GRM4: variants seen among roughly 807,000 people sequenced by gnomAD.
GRM4 encodes glutamate metabotropic receptor 4, also known as metabotropic glutamate receptor 4.
In GRM4, 28 loss-of-function variants were observed where a neutral mutation model predicts 81.7. The ratio of observed to expected loss-of-function variants is 0.34; its 90% CI spans 0.25 to 0.47. The LOEUF (loss-of-function observed/expected upper bound fraction) is 0.47. Ranked by LOEUF, GRM4 falls within the 20% of genes least tolerant of loss-of-function variation. The pLI is 1.00. For missense variants in GRM4, 948 were observed against 1,290.0 expected (o/e 0.73, Z 4.06); for synonymous variants, 488 against 528.8 (o/e 0.92, Z 1.06).
intron 2 of GRM4, chr6:34,099,961 C>T (rs941347287): frequency 7.1e-6 from 5 of 707,452 alleles, no homozygotes; most frequent in Non-Finnish European, 8.7e-6. Context: ...ACAGACCCTC[C>T]GGGAATTCGA....
chr6:34,052,155 G>A lies in GRM4; in HGVS notation c.1168+4389C>T, dbSNP rs75902110. ...GGTGCCAAGGAATTAATGGCCTCTC[G>A]GAGCATCCCTCCACCAATGCCTGAT... On this transcript the variant is annotated intron_variant, in intron 6 of 10. Transcript: ENST00000538487. Among the ~76,000 whole-genome samples the A allele has an allele frequency of 5.0e-4, 76 of 152,252 alleles. 1 individual carries two copies. The East Asian group carries it at 0.014, about 28-fold the overall frequency.
chr6:34,115,148 C>T lies in GRM4; in HGVS notation c.519+17830G>A, dbSNP rs1405012501. On this transcript the variant is annotated intron_variant, in intron 2 of 10. Coordinates refer to ENST00000538487, the MANE Select transcript of GRM4 (RefSeq NM_000841.4). This position sits in a 1 kb window ranked among gnomAD's most constrained non-coding sequence, Gnocchi z 4.1. Reference sequence around the variant, plus strand: ...ACCAGGGTTGAGAGGTGGTCAGGGCCCTGCCTAAACGCCAACACGCTGCCT... The same window carrying T: ...ACCAGGGTTGAGAGGTGGTCAGGGCTCTGCCTAAACGCCAACACGCTGCCT... Among the ~76,000 whole-genome samples, 1 of 152,168 alleles carries T rather than the reference C, an allele frequency of 6.6e-6. No individual in the cohort carries two copies. Among genetic ancestry groups the T allele is most frequent in the African/African-American group, 2.4e-5 (1 of 41,432 alleles).
rs1191265771 is a variant in GRM4, at chr6:34,069,541, A to T, written c.737-7513T>A. ...CAGAGGGCCAGGCCTAGTTCCCGTC[A>T]CCTGTCACCCCTGCCCCATCTGCTC... On this transcript the variant is annotated intron_variant, in intron 3 of 10. Transcript: ENST00000538487. This position sits in a 1 kb window ranked among gnomAD's most constrained non-coding sequence, Gnocchi z 6.4. Among the ~76,000 whole-genome samples, 1 of 151,844 alleles carries T rather than the reference A, an allele frequency of 6.6e-6. No homozygotes were observed. Among genetic ancestry groups the T allele is most frequent in the Non-Finnish European group, 1.5e-5 (1 of 67,916 alleles).
intron 6 of GRM4, among the ~76,000 whole-genome samples, chr6:34,051,986 A>G (rs1284809037): frequency 6.6e-6 from 1 of 152,188 alleles, no homozygotes; most frequent in Non-Finnish European, 1.5e-5. Context: ...CGTATGCTTG[A>G]GAAAGAATGA....
rs189267334 is a variant in GRM4, at chr6:34,143,142, T to A, written c.-364+2858A>T. On this transcript the variant is annotated intron_variant, in intron 1 of 10. Transcript: ENST00000538487. ...ATAACTTTTGAGGTATTTTTGTCCC[T>A]GACAGGTGTGAAGGTATTGGCAGGT... Among the ~76,000 whole-genome samples, 6 of 152,274 alleles carry A rather than the reference T, an allele frequency of 3.9e-5. No individual in the cohort carries two copies. The South Asian group carries it at 1.0e-3, about 26-fold the overall frequency.
chr6:34,144,710 T>C (rs1224867488), intron 1 of GRM4, among the ~76,000 whole-genome samples: 15 of 152,052 alleles, frequency 9.9e-5, no homozygotes, highest in Non-Finnish European at 1.0e-4. Context: ...CGCCCCCGCC[T>C]GTCCCGCCTC....
rs115763571 is a variant in GRM4, at chr6:34,117,821, C to T, written c.519+15157G>A. ...CACCCAGCACCCAAGGCTGCACTGT[C>T]GCATCTCCTCATGGAGAGAGGCCAC... is the stretch of plus-strand genomic sequence containing the variant. On this transcript the variant is annotated intron_variant, in intron 2 of 10. Coordinates refer to ENST00000538487, the MANE Select transcript of GRM4 (RefSeq NM_000841.4). Among the ~76,000 whole-genome samples, 987 of 152,326 alleles carry T rather than the reference C, an allele frequency of 6.5e-3. 6 individuals carry two copies. The highest frequency in any genetic ancestry group is 0.022 in the African/African-American group (926 of 41,556).
chr6:34,023,341 A>G (rs180986555), intron 10 of GRM4, among the ~76,000 whole-genome samples: 1 of 152,370 alleles, frequency 6.6e-6, no homozygotes, highest in East Asian at 1.9e-4. Context: ...TCAGAAGTTC[A>G]ACCACACGCA....
At position 34,068,312 on chromosome 6, in the gene GRM4, G is replaced by C. The variant is rs1232182019; in HGVS notation, c.737-6284C>G. ...CCTTGCCCGAGACCCCAGGAATTGAGAACACTCTGGACTTGTAAATCCCAC... is the reference window on the plus strand; with the variant it reads ...CCTTGCCCGAGACCCCAGGAATTGACAACACTCTGGACTTGTAAATCCCAC... On this transcript the variant is annotated intron_variant, in intron 3 of 10. Coordinates refer to ENST00000538487, the MANE Select transcript of GRM4 (RefSeq NM_000841.4). The surrounding 1 kb of genome is among the most constrained non-coding windows in gnomAD (Gnocchi z 4.2). Among the ~76,000 whole-genome samples, 1 of 152,162 alleles carries C rather than the reference G, an allele frequency of 6.6e-6. No individual in the cohort carries two copies. The highest frequency in any genetic ancestry group is 2.4e-5 in the African/African-American group (1 of 41,428).
rs141880405 is a variant in GRM4 at position 34,138,785 on chromosome 6, C to T, written c.-363-4926G>A. Among the ~76,000 whole-genome samples the T allele has an allele frequency of 3.7e-3, 567 of 152,340 alleles. 6 individuals are homozygous for T. Among genetic ancestry groups the T allele is most frequent in the African/African-American group, 0.011 (452 of 41,578 alleles). ...CAGCCCAGTCCTGCACAGAGCCTGGCATCCCCAGCAGGCTTTGTGGAGGTG... is the reference window on the plus strand; with the variant it reads ...CAGCCCAGTCCTGCACAGAGCCTGGTATCCCCAGCAGGCTTTGTGGAGGTG... On this transcript the variant is annotated intron_variant, in intron 1 of 10. Transcript: ENST00000538487.
intron 3 of GRM4, among the ~76,000 whole-genome samples, chr6:34,065,558 A>G (rs1225262640): frequency 6.6e-6 from 1 of 152,148 alleles, no homozygotes; most frequent in East Asian, 1.9e-4. Flanking sequence ...GGGGGTCCCC[A>G]TGGCCTCCTT....
intron 3 of GRM4, among the ~76,000 whole-genome samples, chr6:34,084,331 C>G (rs1376170250): frequency 6.6e-6 from 1 of 152,156 alleles, no homozygotes; most frequent in Admixed American, 6.5e-5. Flanking sequence ...AGGTGGGGTC[C>G]TGTCCCTCCC....
chr6:34,132,019 A>C (rs546380040), intron 2 of GRM4, among the ~76,000 whole-genome samples: 1 of 152,266 alleles, frequency 6.6e-6, no homozygotes, highest in South Asian at 2.1e-4. Flanking sequence ...GCTCCAAGAG[A>C]GAAACGGGCA....
At chr6:34,028,393 GCAGGCT>G in intron 9 of GRM4, 27 bp from the exon 10 acceptor site, 1 of 1,600,018 alleles carries the variant, frequency 6.2e-7, no homozygotes, top group Non-Finnish European at 8.5e-7. Context: ...TGGCGTCAGA[GCAGGCT>G]CTGCCCCGAC....
In GRM4 at chr6:34,089,752, AAAAAAAAATTAAAC is replaced by A. The variant is rs891630924; in HGVS notation, c.736+2117_736+2130del. ...CCCAATACTTGATTAGATGTTGATA[AAAAAAAAATTAAAC>A]AATAGGCTTACCTTCAGCCAAAACA... is the stretch of plus-strand genomic sequence containing the variant. On this transcript the variant is annotated intron_variant, in intron 3 of 10. Coordinates refer to ENST00000538487, the MANE Select transcript of GRM4 (RefSeq NM_000841.4). This position sits in a 1 kb window ranked among gnomAD's most constrained non-coding sequence, Gnocchi z 4.3. Among the ~76,000 whole-genome samples the A allele has an allele frequency of 6.6e-6, 1 of 151,470 alleles. No individual in the cohort carries two copies. Among genetic ancestry groups the A allele is most frequent in the African/African-American group, 2.4e-5 (1 of 41,152 alleles).
Position 34,114,675 on chromosome 6 carries a change from G to A in GRM4, c.519+18303C>T, listed in dbSNP as rs559560424. Among the ~76,000 whole-genome samples the A allele has an allele frequency of 1.3e-5, 2 of 152,024 alleles. No individual in the cohort carries two copies. Among genetic ancestry groups the A allele is most frequent in the East Asian group, 3.9e-4 (2 of 5,158 alleles). On this transcript the variant is annotated intron_variant, in intron 2 of 10. Coordinates refer to ENST00000538487, the MANE Select transcript of GRM4 (RefSeq NM_000841.4). The surrounding 1 kb of genome is among the most constrained non-coding windows in gnomAD (Gnocchi z 4.3). Reference sequence around the variant, plus strand: ...ACCCTCTACCCTGAGGACACTGCCCGGCTCCACCTCTGACAAAGGCTGCCC... The same window carrying A: ...ACCCTCTACCCTGAGGACACTGCCCAGCTCCACCTCTGACAAAGGCTGCCC...
At chr6:34,032,878 T>C (rs1338006161) in intron 9 of GRM4, among the ~76,000 whole-genome samples, 3 of 152,018 alleles carry the variant, frequency 2.0e-5, no homozygotes, top group Admixed American at 6.5e-5. Context: ...GGGGGAAATA[T>C]GGCAAGGTGG....
At chr6:34,027,981 T>TC (rs1204598737) in intron 10 of GRM4, 139 bp downstream of exon 10, 10 of 922,960 alleles carry the variant, frequency 1.1e-5, no homozygotes, top group Non-Finnish European at 1.6e-5. Flanking sequence ...GCCTCAGGGT[T>TC]CCCCCAGTGT....
Position 34,090,946 on chromosome 6 carries a change from G to A in GRM4, c.736+937C>T, listed in dbSNP as rs1338752923. ...GAGGTGGGTCTGCCAGGAGGGAGAAGGGCCTCCCCACTTCCCCCACACACA... is the reference window on the plus strand; with the variant it reads ...GAGGTGGGTCTGCCAGGAGGGAGAAAGGCCTCCCCACTTCCCCCACACACA... On this transcript the variant is annotated intron_variant, in intron 3 of 10. Transcript: ENST00000538487. The surrounding 1 kb of genome is among the most constrained non-coding windows in gnomAD (Gnocchi z 5.2). 6.6e-6 allele frequency among the ~76,000 whole-genome samples: 1 copy of A among 152,100 alleles called. No homozygotes were observed. The highest frequency in any genetic ancestry group is 1.9e-4 in the East Asian group (1 of 5,178).
Sources: allele counts gnomAD v4.1 joint callset (sites outside exome capture counted in the v4.1 genomes callset), GRCh38; gene constraint gnomAD v4.1.1; non-coding constraint Gnocchi (gnomAD v3.1); transcripts MANE v1.5; gene names NCBI Gene and HGNC (gene_info 2026-07-23, HGNC 2026-07-21).